Variants in COBLL1 observed in about 807,000 individuals in gnomAD.
COBLL1 encodes cordon-bleu WH2 repeat protein like 1.
COBLL1 carries 50 observed loss-of-function variants against 94.8 expected under a neutral mutation model. The ratio of observed to expected loss-of-function variants is 0.53; its 90% CI spans 0.42 to 0.67. COBLL1 has a LOEUF of 0.67. Among genes scored for constraint, COBLL1 ranks in the 30% least tolerant of loss-of-function variants. The probability of loss-of-function intolerance (pLI) is 0.00; values close to 1 mark genes in which losing one functional copy is unlikely to be tolerated. For synonymous variants in COBLL1, 448 were observed against 473.8 expected (o/e 0.95, Z 0.71); for missense variants, 1,362 against 1,348.7 (o/e 1.01, Z -0.15).
At chr2:164,688,856 TA>T (rs1683442207) in intron 13 of COBLL1, among the ~76,000 whole-genome samples, 1 of 112,978 alleles carries the variant, frequency 8.9e-6, no homozygotes. Context: ...TACATAGTGA[TA>T]AATATCAATA....
At chr2:164,784,171 C>T (rs1345147034) in intron 2 of COBLL1, among the ~76,000 whole-genome samples, 1 of 152,110 alleles carries the variant, frequency 6.6e-6, no homozygotes, top group East Asian at 1.9e-4. Flanking sequence ...AAAGTATTCA[C>T]AGCATTTAGC....
In COBLL1 at chr2:164,810,232, A is replaced by AT. The variant is rs201439813; in HGVS notation, c.41+30923dup. Among the ~76,000 whole-genome samples the AT allele has an allele frequency of 9.3e-3, 1,402 of 150,884 alleles. 5 individuals are homozygous for AT. The highest frequency in any genetic ancestry group is 0.021 in the African/African-American group (862 of 41,294). On this transcript the variant is annotated intron_variant, in intron 2 of 13. Transcript: ENST00000652658. ...TCTGGTATTTGGGATATATTTATGA[A>AT]TTTTTTTTTCTAAAAGAAGAGATTT...
In COBLL1 at chr2:164,702,425, G is replaced by A. The variant is rs193119480; in HGVS notation, c.1226-1669C>T. 5.5e-3 allele frequency among the ~76,000 whole-genome samples: 829 copies of A among 151,596 alleles called. 5 individuals are homozygous for A. Among genetic ancestry groups the A allele is most frequent in the Middle Eastern group, 0.02 (6 of 294 alleles). ...AAAAATACAAAAAAATTAGCCAGGT[G>A]TGGTGGCGGGCGCCTGTAGTCCCAG... On this transcript the variant is annotated intron_variant, in intron 9 of 13. Coordinates refer to ENST00000652658, the MANE Select transcript of COBLL1 (RefSeq NM_001365672.2).
intron 2 of COBLL1, among the ~76,000 whole-genome samples, chr2:164,770,173 G>C (rs563875033): frequency 6.6e-6 from 1 of 152,070 alleles, no homozygotes; most frequent in East Asian, 1.9e-4. Context: ...TTAAAACCCA[G>C]AGAAGTTCAT....
chr2:164,692,634 C>T (rs1683679043), intron 12 of COBLL1: 1 of 367,026 alleles, frequency 2.7e-6, no homozygotes, highest in African/African-American at 2.1e-5. Flanking sequence ...TGGTACCACT[C>T]TTTGCTTCAT....
intron 13 of COBLL1, among the ~76,000 whole-genome samples, 184 bp from the exon 14 acceptor site, chr2:164,686,216 G>A (rs775143716): frequency 1.3e-5 from 2 of 152,004 alleles, no homozygotes; most frequent in African/African-American, 2.4e-5. Context: ...AGAGAGAGTC[G>A]TTATTTTCAC....
intron 1 of COBLL1, among the ~76,000 whole-genome samples, chr2:164,669,919 T>A (rs1375459990): frequency 1.3e-5 from 2 of 152,226 alleles, no homozygotes; most frequent in Non-Finnish European, 1.5e-5. Context: ...GTTGTTGTTG[T>A]TACGTGAGAA....
At chr2:164,801,892 T>C (rs1422336730) in intron 2 of COBLL1, among the ~76,000 whole-genome samples, 1 of 152,194 alleles carries the variant, frequency 6.6e-6, no homozygotes, top group African/African-American at 2.4e-5. Context: ...GAAAGAAGAC[T>C]GGGCTACAGT....
intron 2 of COBLL1, among the ~76,000 whole-genome samples, chr2:164,662,695 C>G (rs1385176978): frequency 6.6e-6 from 1 of 152,030 alleles, no homozygotes; most frequent in African/African-American, 2.4e-5. Context: ...AGCATTATCC[C>G]TTTGGTGCTG....
chr2:164,830,876 A>T (rs1334521022), intron 2 of COBLL1, among the ~76,000 whole-genome samples: 1 of 152,234 alleles, frequency 6.6e-6, no homozygotes, highest in Non-Finnish European at 1.5e-5. Context: ...GATTACTAGC[A>T]TTAAATATTT....
upstream of COBLL1, chr2:164,841,831 C>T (rs961888840): frequency 3.8e-5 from 25 of 658,114 alleles, no homozygotes; most frequent in African/African-American, 3.9e-4. This position sits in a 1 kb window ranked among gnomAD's most constrained non-coding sequence, Gnocchi z 5.5. Flanking sequence ...AATGGAGAAG[C>T]GGCAACCCCT....
At chr2:164,756,666 G>A (rs1005521313) in intron 2 of COBLL1, among the ~76,000 whole-genome samples, 3 of 152,016 alleles carry the variant, frequency 2.0e-5, no homozygotes, top group Admixed American at 2.0e-4. Flanking sequence ...CGATACGGCA[G>A]GGAGAAAACA....
At chr2:164,777,140 C>T (rs1437431131) in intron 2 of COBLL1, among the ~76,000 whole-genome samples, 1 of 151,786 alleles carries the variant, frequency 6.6e-6, no homozygotes. Flanking sequence ...ATCCAGAATA[C>T]CATATGGCAT....
intron 9 of COBLL1, 78 bp downstream of exon 9, chr2:164,704,366 T>C: frequency 4.2e-6 from 4 of 945,588 alleles, no homozygotes; most frequent in Non-Finnish European, 5.1e-6. Context: ...GTACAAAGCA[T>C]CGCAAATGGA....
At chr2:164,795,040 A>C (rs1328424651) in intron 2 of COBLL1, among the ~76,000 whole-genome samples, 1 of 152,128 alleles carries the variant, frequency 6.6e-6, no homozygotes. Context: ...CACTAAGCCC[A>C]CTTCCTTCGA....
rs375739547 is a variant in COBLL1 at position 164,668,874 on chromosome 2, C to CT, written n.127-2974dup. On this transcript the variant is annotated intron_variant and non_coding_transcript_variant, in intron 1 of 2. Transcript: ENST00000495084. ...TTTGAGTTCTGCCTGAATTTATATA[C>CT]TTTTTTCTTTTTAATTATTGCCTTA... Among the ~76,000 whole-genome samples, 435 of 152,286 alleles carry CT rather than the reference C, an allele frequency of 2.9e-3. 3 individuals carry two copies. The highest frequency in any genetic ancestry group is 9.9e-3 in the African/African-American group (412 of 41,570).
chr2:164,836,224 T>C (rs1001525005), intron 2 of COBLL1, among the ~76,000 whole-genome samples: 1 of 152,124 alleles, frequency 6.6e-6, no homozygotes, highest in Non-Finnish European at 1.5e-5. Context: ...TGTCATATGA[T>C]GAAAAAAACT....
intron 2 of COBLL1, among the ~76,000 whole-genome samples, chr2:164,831,170 A>T (rs562425050): frequency 5.3e-5 from 8 of 152,050 alleles, no homozygotes; most frequent in African/African-American, 1.7e-4. Context: ...AAAAATACAA[A>T]AATTAGCCAG....
At chr2:164,742,508 A>T (rs979475914) in intron 3 of COBLL1, among the ~76,000 whole-genome samples, 13 of 152,132 alleles carry the variant, frequency 8.5e-5, no homozygotes, top group Admixed American at 5.9e-4. Context: ...TGTCTTTCTC[A>T]CACATACGAG....
Sources: gnomAD v4.1 joint callset for allele counts (sites outside exome capture counted in the v4.1 genomes callset) on GRCh38, gnomAD v4.1.1 for gene constraint, Gnocchi (gnomAD v3.1) non-coding constraint, MANE v1.5 for transcripts, NCBI Gene and HGNC (gene_info 2026-07-23, HGNC 2026-07-21) for gene names.